CACNA1C: variants seen among roughly 807,000 people sequenced by gnomAD.
The protein encoded by CACNA1C is calcium voltage-gated channel subunit alpha1 C.
In CACNA1C, 30 loss-of-function variants were observed where a neutral mutation model predicts 229.0. The observed-to-expected ratio is 0.13, with a 90% CI of 0.10 to 0.18. The LOEUF (loss-of-function observed/expected upper bound fraction) is 0.18. Ranked by LOEUF, CACNA1C falls within the 10% of genes least tolerant of loss-of-function variation. The pLI is 1.00. For missense variants in CACNA1C, 1,658 were observed against 2,845.0 expected (o/e 0.58, Z 9.49); for synonymous variants, 1,114 against 1,132.5 (o/e 0.98, Z 0.33).
chr12:2,094,753 G>A (rs1475124172), intron 1 of CACNA1C, among the ~76,000 whole-genome samples: 1 of 152,154 alleles, frequency 6.6e-6, no homozygotes, highest in Non-Finnish European at 1.5e-5. Flanking sequence ...AGTGGGAGTG[G>A]CTGGGACTGT....
Position 2,488,368 on chromosome 12 carries a change from C to T in CACNA1C, c.916+2106C>T, listed in dbSNP as rs758451798. Reference sequence around the variant, plus strand: ...CATGGTAGACAAAGAAAGCATGGCACGGGGAGGGAGCCGTCCTGAAGGCCA... The same window carrying T: ...CATGGTAGACAAAGAAAGCATGGCATGGGGAGGGAGCCGTCCTGAAGGCCA... On this transcript the variant is annotated intron_variant, in intron 6 of 46. Coordinates refer to ENST00000399655, the MANE Select transcript of CACNA1C (RefSeq NM_000719.7). The surrounding 1 kb of genome is among the most constrained non-coding windows in gnomAD (Gnocchi z 4.0). Among the ~76,000 whole-genome samples, 6 of 152,250 alleles carry T rather than the reference C, an allele frequency of 3.9e-5. No individual in the cohort carries two copies. Among genetic ancestry groups the T allele is most frequent in the East Asian group, 1.9e-4 (1 of 5,166 alleles).
At chr12:2,635,858 G>A (rs575080404) in intron 30 of CACNA1C, among the ~76,000 whole-genome samples, 2 of 152,088 alleles carry the variant, frequency 1.3e-5, no homozygotes, top group African/African-American at 4.8e-5. Context: ...ATGTGTGCAT[G>A]TGTGTATGTG....
chr12:2,572,682 CT>C (rs1600618026), intron 13 of CACNA1C, among the ~76,000 whole-genome samples: 1 of 111,788 alleles, frequency 8.9e-6, no homozygotes, highest in Admixed American at 9.2e-5. Flanking sequence ...CCTCCTCCTT[CT>C]TCTCTTCCTC....
intron 13 of CACNA1C, among the ~76,000 whole-genome samples, chr12:2,572,350 CCT>C (rs1568495034): frequency 9.0e-6 from 1 of 111,014 alleles, no homozygotes; most frequent in Admixed American, 9.0e-5. Flanking sequence ...TCCTCCTCCT[CCT>C]CCTCTCCTCC....
At chr12:2,422,470 A>G (rs1216601849) in intron 3 of CACNA1C, among the ~76,000 whole-genome samples, 2 of 151,798 alleles carry the variant, frequency 1.3e-5, no homozygotes, top group Non-Finnish European at 2.9e-5. Flanking sequence ...GCCTTCCTTC[A>G]AGTCAGTTTC....
intron 9 of CACNA1C, among the ~76,000 whole-genome samples, chr12:2,530,866 G>A (rs549487496): frequency 1.1e-4 from 16 of 152,278 alleles, no homozygotes; most frequent in African/African-American, 2.6e-4. Context: ...GAGGGAACAC[G>A]GCTAACTGTG....
In CACNA1C at chr12:2,674,534, C is replaced by T. The variant is rs989372818; in HGVS notation, c.4727-7C>T. Reference sequence around the variant, plus strand: ...CCAAGGGGCTGAGGATCCTTTCCGCCCTGCAGGGAACCTAGAACAAGCCAA... The same window carrying T: ...CCAAGGGGCTGAGGATCCTTTCCGCTCTGCAGGGAACCTAGAACAAGCCAA... On this transcript the variant is annotated splice_region_variant and splice_polypyrimidine_tract_variant and intron_variant, in intron 38 of 46. Coordinates refer to ENST00000399655, the MANE Select transcript of CACNA1C (RefSeq NM_000719.7). 6.4e-7 allele frequency: 1 copy of T among 1,555,786 alleles called. No homozygotes were observed. The highest frequency in any genetic ancestry group is 8.7e-7 in the Non-Finnish European group (1 of 1,149,312).
chr12:2,547,828 C>T (rs1030963034), intron 9 of CACNA1C, among the ~76,000 whole-genome samples: 5 of 152,190 alleles, frequency 3.3e-5, no homozygotes, highest in Admixed American at 1.3e-4. Context: ...TGTGAATGCA[C>T]GGTTGGAACC....
At chr12:2,353,033 A>G (rs1254821155) in intron 3 of CACNA1C, among the ~76,000 whole-genome samples, 2 of 152,210 alleles carry the variant, frequency 1.3e-5, no homozygotes, top group Non-Finnish European at 2.9e-5. Flanking sequence ...TTGTCCTTAA[A>G]GTAATCTTGG....
chr12:2,584,684 TG>T (rs2153229739), intron 16 of CACNA1C, 67 bp downstream of exon 16: 1 of 1,075,080 alleles, frequency 9.3e-7, no homozygotes, highest in Admixed American at 1.9e-5. Flanking sequence ...TTCCCACTGG[TG>T]GCAGAGAGAG....
At chr12:1,978,963 G>T (rs2470445) in intron 1 of CACNA1C, among the ~76,000 whole-genome samples, 150,361 of 152,350 alleles carry the variant, frequency 0.99, 74,210 homozygotes, top group East Asian at 1. Context: ...TATTACCAGA[G>T]TTTTTTGCTA....
rs1355674360 is a variant in CACNA1C, at chr12:2,677,522, C to A, written c.4957-211C>A. Reference sequence around the variant, plus strand: ...ACCCCTGGTGCCCCGTCCTAATGAGCCTTCATCCCTCCTGGATGGGCGAGT... The same window carrying A: ...ACCCCTGGTGCCCCGTCCTAATGAGACTTCATCCCTCCTGGATGGGCGAGT... On this transcript the variant is annotated intron_variant, in intron 40 of 46. Coordinates refer to ENST00000399655, the MANE Select transcript of CACNA1C (RefSeq NM_000719.7). The surrounding 1 kb of genome is among the most constrained non-coding windows in gnomAD (Gnocchi z 7.4). 12 of 637,630 alleles carry A rather than the reference C, an allele frequency of 1.9e-5. No homozygotes were observed. The highest frequency in any genetic ancestry group is 4.0e-5 in the South Asian group (2 of 50,156). The allele number at this position is 637,630 out of a possible 1,614,324, so 39.5% of individuals were successfully genotyped here. A position where few individuals can be genotyped will look rare whatever the true frequency, so the allele number is the denominator to read the frequency against.
intron 5 of CACNA1C, among the ~76,000 whole-genome samples, chr12:2,463,961 T>A (rs111416817): frequency 0.011 from 1,596 of 151,472 alleles, 28 homozygotes; most frequent in African/African-American, 0.037. Flanking sequence ...ATAGGGAGAG[T>A]TGTGGTTAAA....
At chr12:2,536,748 G>A (rs1471156810) in intron 9 of CACNA1C, among the ~76,000 whole-genome samples, 1 of 152,164 alleles carries the variant, frequency 6.6e-6, no homozygotes, top group African/African-American at 2.4e-5. Context: ...AGGATCACTT[G>A]AGACTGGGAG....
chr12:2,038,119 A>G (rs2049459547), intron 1 of CACNA1C, among the ~76,000 whole-genome samples: 1 of 152,214 alleles, frequency 6.6e-6, no homozygotes. Flanking sequence ...CACTCAACAT[A>G]GCCCAGGTCC....
At chr12:2,272,771 G>T (rs989535161) in intron 3 of CACNA1C, among the ~76,000 whole-genome samples, 4 of 152,162 alleles carry the variant, frequency 2.6e-5, no homozygotes, top group East Asian at 1.9e-4. Context: ...TTGATCCTTC[G>T]CTGAAACAGG....
At chr12:2,097,960 G>A (rs2074942518) in intron 1 of CACNA1C, among the ~76,000 whole-genome samples, 1 of 152,230 alleles carries the variant, frequency 6.6e-6, no homozygotes, top group South Asian at 2.1e-4. Context: ...TAGAACCTGA[G>A]CTGTCTGAAC....
At chr12:2,167,463 G>A (rs1288619287) in intron 3 of CACNA1C, among the ~76,000 whole-genome samples, 1 of 152,168 alleles carries the variant, frequency 6.6e-6, no homozygotes, top group Admixed American at 6.5e-5. Context: ...AGAGACTATG[G>A]ATTCTATTAT....
chr12:2,062,926 G>T (rs2154518736), intron 1 of CACNA1C, among the ~76,000 whole-genome samples: 1 of 152,164 alleles, frequency 6.6e-6, no homozygotes, highest in East Asian at 1.9e-4. Flanking sequence ...TATTTATTTT[G>T]AAATAGCAGC....
Sources: allele counts gnomAD v4.1 joint callset (sites outside exome capture counted in the v4.1 genomes callset), GRCh38; gene constraint gnomAD v4.1.1; non-coding constraint Gnocchi (gnomAD v3.1); transcripts MANE v1.5; gene names NCBI Gene and HGNC (gene_info 2026-07-23, HGNC 2026-07-21).